ARPP21: variants seen among roughly 807,000 people sequenced by gnomAD.
ARPP21 encodes the protein cAMP-regulated phosphoprotein 21.
In ARPP21, 69 loss-of-function variants were observed where a neutral mutation model predicts 113.2. The observed-to-expected ratio is 0.61, with a 90% CI of 0.50 to 0.74. The LOEUF (loss-of-function observed/expected upper bound fraction) is 0.74, where lower values mean the gene tolerates loss of function less well. Ranked by LOEUF, ARPP21 falls within the 30% of genes least tolerant of loss-of-function variation. The pLI is 0.00. For missense variants in ARPP21, 1,070 were observed against 1,037.4 expected, an observed-to-expected ratio of 1.03 and a Z score of -0.43; for synonymous variants, 368 against 375.5, an observed-to-expected ratio of 0.98 and a Z score of 0.23.
chr3:35,763,050 G>A (rs1337860526), intron 19 of ARPP21, among the ~76,000 whole-genome samples: 1 of 152,018 alleles, frequency 6.6e-6, no homozygotes, highest in South Asian at 2.1e-4. Context: ...GGCTACAATG[G>A]GGTACATAAA....
intron 19 of ARPP21, among the ~76,000 whole-genome samples, chr3:35,778,411 G>A (rs1446075581): frequency 6.6e-6 from 1 of 152,156 alleles, no homozygotes; most frequent in Non-Finnish European, 1.5e-5. Context: ...GGCAGAGGGA[G>A]AGCCAGCGAG....
chr3:35,786,367 C>A (rs2096632944), intron 19 of ARPP21, among the ~76,000 whole-genome samples: 1 of 151,792 alleles, frequency 6.6e-6, no homozygotes, highest in South Asian at 2.1e-4. Flanking sequence ...ACTAAAAATA[C>A]AAAAATTAGC....
chr3:35,705,158 A>G (rs1404871814), intron 9 of ARPP21, among the ~76,000 whole-genome samples: 2 of 152,122 alleles, frequency 1.3e-5, no homozygotes, highest in Non-Finnish European at 2.9e-5. Flanking sequence ...CAACATCTGT[A>G]TTTAAGTCAG....
At chr3:35,660,635 A>G (rs1707306773) in intron 1 of ARPP21, among the ~76,000 whole-genome samples, 1 of 152,198 alleles carries the variant, frequency 6.6e-6, no homozygotes, top group Admixed American at 6.5e-5. Context: ...CAAGAGGTTA[A>G]GATAATGACT....
chr3:35,743,792 A>T (rs552303782), intron 18 of ARPP21, 47 bp from the exon 19 acceptor site: 1 of 1,593,056 alleles, frequency 6.3e-7, no homozygotes, highest in Middle Eastern at 1.7e-4. Flanking sequence ...AAAAATTTAC[A>T]TTATCTACAT....
At chr3:35,709,328 G>A (rs2090306758) in intron 11 of ARPP21, among the ~76,000 whole-genome samples, 1 of 152,164 alleles carries the variant, frequency 6.6e-6, no homozygotes, top group African/African-American at 2.4e-5. Flanking sequence ...CAGTGATACA[G>A]ACCTTAAATA....
chr3:35,745,836 C>T (rs1443727690), intron 19 of ARPP21, among the ~76,000 whole-genome samples: 1 of 152,172 alleles, frequency 6.6e-6, no homozygotes, highest in East Asian at 1.9e-4. Context: ...ACCTCACTGG[C>T]TCCACCTACA....
At chr3:35,643,101 A>C (rs1029952033) in intron 1 of ARPP21, among the ~76,000 whole-genome samples, 2 of 151,746 alleles carry the variant, frequency 1.3e-5, no homozygotes, top group Non-Finnish European at 2.9e-5. Flanking sequence ...GAAAGTGAGA[A>C]TGTTCAATCA....
chr3:35,677,169 T>G (rs1018859590), intron 1 of ARPP21, among the ~76,000 whole-genome samples: 33 of 152,046 alleles, frequency 2.2e-4, no homozygotes, highest in African/African-American at 7.2e-4. Context: ...TGATAAAAAT[T>G]TACCTTTAAT....
At chr3:35,654,379 C>A (rs1703825292) in intron 1 of ARPP21, among the ~76,000 whole-genome samples, 1 of 151,972 alleles carries the variant, frequency 6.6e-6, no homozygotes, top group African/African-American at 2.4e-5. Context: ...TCTGTAAACT[C>A]AGGGAAAGGC....
intron 1 of ARPP21, among the ~76,000 whole-genome samples, chr3:35,677,512 GT>G (rs2077828678): frequency 6.6e-6 from 1 of 151,864 alleles, no homozygotes; most frequent in Non-Finnish European, 1.5e-5. Context: ...ATGGTAAATA[GT>G]TTACAGCATT....
At chr3:35,689,243 A>G (rs2081531171) in intron 6 of ARPP21, 64 bp from the exon 7 acceptor site, 1 of 807,506 alleles carries the variant, frequency 1.2e-6, no homozygotes, top group African/African-American at 1.7e-5. Flanking sequence ...TAGGTTGGGG[A>G]AACCTTTTCT....
chr3:35,700,434 G>C (rs1214025993), intron 9 of ARPP21, among the ~76,000 whole-genome samples: 1 of 151,556 alleles, frequency 6.6e-6, no homozygotes, highest in Non-Finnish European at 1.5e-5. Flanking sequence ...AGGGAGTGGA[G>C]CTTTGAGTCA....
At position 35,713,863 on chromosome 3, in the gene ARPP21, T is replaced by C. The variant is rs114764185; in HGVS notation, c.898-1576T>C. Among the ~76,000 whole-genome samples the C allele has an allele frequency of 4.8e-3, 737 of 152,318 alleles. 8 individuals are homozygous for C. Among genetic ancestry groups the C allele is most frequent in the African/African-American group, 0.016 (677 of 41,570 alleles). ...ATTCCAATATCCAGACAAAACATTA[T>C]AAACACAATCAACCACTTTCCAACT... On this transcript the variant is annotated intron_variant, in intron 11 of 20. Coordinates refer to ENST00000684406, the MANE Select transcript of ARPP21 (RefSeq NM_001385562.1).
chr3:35,666,210 C>A (rs2074326611), intron 1 of ARPP21, among the ~76,000 whole-genome samples: 1 of 152,018 alleles, frequency 6.6e-6, no homozygotes, highest in South Asian at 2.1e-4. Context: ...AATTTAATTT[C>A]TTTAAATGGA....
Position 35,738,281 on chromosome 3 carries a change from A to C in ARPP21, c.1712A>C (p.His571Pro). The change falls in exon 17 of 21, where the codon CAC (histidine) becomes CCC (proline). Residue 571 changes from histidine to proline, a missense_variant. By Grantham distance (77) the His-to-Pro change is moderately conservative. Coordinates refer to ENST00000684406, the MANE Select transcript of ARPP21 (RefSeq NM_001385562.1). ...QYPAVSFPPQHLLPVSPTQHF... is the reference protein window; with the variant it reads ...QYPAVSFPPQPLLPVSPTQHF... ...CCAGCAGTCTCTTTTCCTCCCCAGCACCTCCTACCTGTGTCTCCAACGCAG... is the reference window on the plus strand; with the variant it reads ...CCAGCAGTCTCTTTTCCTCCCCAGCCCCTCCTACCTGTGTCTCCAACGCAG... The C allele has an allele frequency of 6.5e-7, 1 of 1,535,458 alleles. No individual in the cohort carries two copies. Among genetic ancestry groups the C allele is most frequent in the Non-Finnish European group, 8.7e-7 (1 of 1,146,512 alleles).
At chr3:35,751,166 AAATTAT>A (rs1231434797) in intron 19 of ARPP21, among the ~76,000 whole-genome samples, 1 of 152,158 alleles carries the variant, frequency 6.6e-6, no homozygotes, top group Non-Finnish European at 1.5e-5. Context: ...AAGTTAAATT[AAATTAT>A]AACTGCAGCA....
intron 1 of ARPP21, among the ~76,000 whole-genome samples, chr3:35,662,667 AT>A (rs1394152655): frequency 1.3e-5 from 2 of 152,168 alleles, no homozygotes; most frequent in Non-Finnish European, 2.9e-5. Context: ...CCTCTTGATC[AT>A]TTATTGAATT....
At chr3:35,666,544 T>C (rs757819820) in intron 1 of ARPP21, among the ~76,000 whole-genome samples, 3 of 152,208 alleles carry the variant, frequency 2.0e-5, no homozygotes, top group Non-Finnish European at 4.4e-5. Context: ...TATTTGGTTG[T>C]GTGTAGGTGT....
Sources: allele counts gnomAD v4.1 joint callset (sites outside exome capture counted in the v4.1 genomes callset), GRCh38; gene constraint gnomAD v4.1.1; transcripts MANE v1.5; gene names NCBI Gene and HGNC (gene_info 2026-07-23, HGNC 2026-07-21).